Variants in NSUN7 observed in about 807,000 individuals in gnomAD.
NSUN7 encodes protein NSUN7.
A neutral mutation model predicts 58.5 loss-of-function variants in NSUN7; 39 were observed. The observed-to-expected ratio is 0.67, with a 90% confidence interval of 0.52 to 0.87. NSUN7 has a LOEUF of 0.87. NSUN7 is among the 40% of genes least tolerant of loss of function. NSUN7 has a pLI of 0.00. For missense variants in NSUN7, 765 were observed against 844.1 expected (o/e 0.91, Z 1.16); for synonymous variants, 278 against 303.7 (o/e 0.92, Z 0.88).
intron 10 of NSUN7, among the ~76,000 whole-genome samples, chr4:40,804,361 A>G (rs1347144813): frequency 6.6e-6 from 1 of 151,696 alleles, no homozygotes; most frequent in Non-Finnish European, 1.5e-5. Context: ...AATCGCTTGA[A>G]CTAGGAGGCG....
At chr4:40,783,692 A>G (rs1742679855) in intron 7 of NSUN7, among the ~76,000 whole-genome samples, 1 of 152,066 alleles carries the variant, frequency 6.6e-6, no homozygotes, top group Non-Finnish European at 1.5e-5. Flanking sequence ...TACTAAAATT[A>G]CAAAAATTAG....
In NSUN7 at chr4:40,808,747, A is replaced by G. The variant is rs1259672905; in HGVS notation, c.1965A>G (p.Pro655=). ...AACCCATCAAGATTGTTCTGCCTCC[A>G]GTCTTTATGCCATTTTCAAGTCCCC... The part of the protein sequence containing the change: ...ALKPIKIVLP[P]VFMPFSSPQG... The change falls in exon 12 of 12, where the codon CCA becomes CCG. Residue 655 remains proline, a synonymous_variant. Transcript: ENST00000381782. The G allele has an allele frequency of 1.9e-6, 3 of 1,550,006 alleles. No homozygotes were observed. Among genetic ancestry groups the G allele is most frequent in the Non-Finnish European group, 2.6e-6 (3 of 1,146,718 alleles).
In NSUN7 at chr4:40,810,901, A is replaced by G. The variant is rs903836872; in HGVS notation, c.*1962A>G. The G allele has an allele frequency of 2.0e-5, 3 of 152,222 alleles. No homozygotes were observed. Among genetic ancestry groups the G allele is most frequent in the African/African-American group, 7.2e-5 (3 of 41,460 alleles). 9.4% of individuals were successfully genotyped at this position (152,222 alleles called of 1,614,324 possible). A position where few individuals can be genotyped will look rare whatever the true frequency, so the allele number is the denominator to read the frequency against. ...AGTAAAGAATCCCATTGTGTATCAT[A>G]AGAATCCCTTATCCTTTTCGGGCCC... On this transcript the variant is annotated 3_prime_UTR_variant, in exon 12 of 12. Transcript: ENST00000381782.
At chr4:40,755,743 G>C (rs1288165138) in intron 2 of NSUN7, among the ~76,000 whole-genome samples, 1 of 152,206 alleles carries the variant, frequency 6.6e-6, no homozygotes, top group African/African-American at 2.4e-5. Flanking sequence ...CAGCAAAGCT[G>C]TTATACTCAT....
At chr4:40,770,863 C>T (rs1482459053) in intron 4 of NSUN7, among the ~76,000 whole-genome samples, 2 of 152,014 alleles carry the variant, frequency 1.3e-5, no homozygotes, top group East Asian at 1.9e-4. Context: ...CCATCTTGGC[C>T]AACATAGTGA....
At chr4:40,758,213 C>A (rs975023930) in intron 2 of NSUN7, among the ~76,000 whole-genome samples, 6 of 152,140 alleles carry the variant, frequency 3.9e-5, no homozygotes, top group African/African-American at 1.2e-4. Flanking sequence ...AGTCACCACA[C>A]CCGGCCAGCT....
chr4:40,790,532 A>G, intron 7 of NSUN7, 70 bp from the exon 8 acceptor site: 1 of 957,856 alleles, frequency 1.0e-6, no homozygotes, highest in South Asian at 1.8e-5. Flanking sequence ...CAATAAATAG[A>G]TACAATCACA....
Position 40,809,048 on chromosome 4 carries a change from C to T in NSUN7, c.*109C>T. 1 of 1,143,326 alleles carries T rather than the reference C, an allele frequency of 8.7e-7. No homozygotes were observed. Among genetic ancestry groups the T allele is most frequent in the Non-Finnish European group, 1.2e-6 (1 of 837,630 alleles). The allele number at this position is 1,143,326 out of a possible 1,614,324, so 70.8% of individuals were successfully genotyped here. ...CACAAGATATTCATTCTTTTGGTCACCTAGGGATCTTCTAAGTGTGATATT... is the reference window on the plus strand; with the variant it reads ...CACAAGATATTCATTCTTTTGGTCATCTAGGGATCTTCTAAGTGTGATATT... On this transcript the variant is annotated 3_prime_UTR_variant, in exon 12 of 12. Transcript: ENST00000381782.
chr4:40,806,578 GTGAC>G (rs1743815337), intron 10 of NSUN7, among the ~76,000 whole-genome samples: 1 of 152,098 alleles, frequency 6.6e-6, no homozygotes, highest in African/African-American at 2.4e-5. Flanking sequence ...TCCTCAAAAA[GTGAC>G]TGGGAAGAAT....
At chr4:40,802,774 CATTCT>C (rs1743642310) in intron 10 of NSUN7, among the ~76,000 whole-genome samples, 1 of 145,272 alleles carries the variant, frequency 6.9e-6, no homozygotes, top group Non-Finnish European at 1.5e-5. Flanking sequence ...CTTTGTACTG[CATTCT>C]ATTCTTTTTT....
intron 7 of NSUN7, among the ~76,000 whole-genome samples, chr4:40,785,438 C>T (rs1742769470): frequency 6.6e-6 from 1 of 152,166 alleles, no homozygotes; most frequent in African/African-American, 2.4e-5. Flanking sequence ...TGGCTCACTG[C>T]AACCTCCGCC....
At chr4:40,807,034 C>CTA in intron 10 of NSUN7, 27 bp from the exon 11 acceptor site, 1 of 1,548,100 alleles carries the variant, frequency 6.5e-7, no homozygotes, top group Non-Finnish European at 8.7e-7. Flanking sequence ...ATTCTAACTG[C>CTA]TGAATGCTTG....
chr4:40,789,930 A>G lies in NSUN7; in HGVS notation c.1037-672A>G, dbSNP rs61734072. Among the ~76,000 whole-genome samples the G allele has an allele frequency of 4.5e-3, 679 of 152,256 alleles. 5 individuals are homozygous for G. Among genetic ancestry groups the G allele is most frequent in the African/African-American group, 0.016 (645 of 41,550 alleles). On this transcript the variant is annotated intron_variant, in intron 7 of 11. Transcript: ENST00000381782. ...AAGATAGGGGGCACAGATGGCTATA[A>G]TGCAAGGGAAGGCAGACTCTCTTAA...
intron 11 of NSUN7, 95 bp from the exon 12 acceptor site, chr4:40,808,212 G>C (rs1267094310): frequency 1.5e-5 from 20 of 1,351,334 alleles, no homozygotes; most frequent in Non-Finnish European, 2.0e-5. Flanking sequence ...ATAATAAAGA[G>C]AGTCTTTTTA....
chr4:40,756,081 A>T (rs1741130997), intron 2 of NSUN7, among the ~76,000 whole-genome samples: 1 of 151,544 alleles, frequency 6.6e-6, no homozygotes, highest in Non-Finnish European at 1.5e-5. Context: ...GTGGTCTAGG[A>T]CCCCAGGAAA....
At position 40,776,103 on chromosome 4, in the gene NSUN7, G is replaced by T; in HGVS notation, c.880G>T (p.Asp294Tyr). 1 of 1,610,234 alleles carries T rather than the reference G, an allele frequency of 6.2e-7. No individual in the cohort carries two copies. The highest frequency in any genetic ancestry group is 8.5e-7 in the Non-Finnish European group (1 of 1,177,828). Residue 294 changes from aspartate to tyrosine, a missense_variant, in exon 7 of 12, where the codon GAT (aspartate) becomes TAT (tyrosine). Physicochemically the swap from Asp to Tyr is radical, Grantham distance 160 (BLOSUM62 -3). Coordinates refer to ENST00000381782, the MANE Select transcript of NSUN7 (RefSeq NM_024677.6). The stretch of plus-strand genomic sequence containing the variant: ...TGTAAAGGCTTTATTAAATATGGAT[G>T]ATGATGTCTTAATGGTCAATACAGG... ...HSVKALLNMD[D>Y]DVLMVNTGSW... is the part of the protein sequence containing the mutation.
chr4:40,780,790 C>CACACACACACAT (rs1402006014), intron 7 of NSUN7, among the ~76,000 whole-genome samples: 2 of 110,988 alleles, frequency 1.8e-5, no homozygotes, highest in East Asian at 2.5e-4. Flanking sequence ...CACACACATA[C>CACACACACACAT]ACATATATAT....
chr4:40,802,214 G>A (rs1017984647), intron 10 of NSUN7, among the ~76,000 whole-genome samples: 2 of 152,046 alleles, frequency 1.3e-5, no homozygotes, highest in Non-Finnish European at 1.5e-5. Flanking sequence ...TTAAAATTAC[G>A]TTTTAAGCCC....
At chr4:40,754,891 A>G (rs1374150880) in intron 2 of NSUN7, among the ~76,000 whole-genome samples, 3 of 152,170 alleles carry the variant, frequency 2.0e-5, no homozygotes, top group Admixed American at 6.6e-5. Context: ...ATCTTTCAAG[A>G]CAGGAAGTAT....
Sources: gnomAD v4.1 joint callset for allele counts (sites outside exome capture counted in the v4.1 genomes callset) on GRCh38, gnomAD v4.1.1 for gene constraint, MANE v1.5 for transcripts, NCBI Gene and HGNC (gene_info 2026-07-23, HGNC 2026-07-21) for gene names.